Variants in RFX3 observed in about 807,000 individuals in gnomAD.
The protein encoded by RFX3 is transcription factor RFX3.
In RFX3, 14 loss-of-function variants were observed where a neutral mutation model predicts 98.6. That is an observed-to-expected ratio of 0.14 (90% CI 0.09 to 0.22). The LOEUF (loss-of-function observed/expected upper bound fraction) is 0.22. Ranked by LOEUF, RFX3 falls within the 10% of genes least tolerant of loss-of-function variation. The pLI, the probability that RFX3 is intolerant of heterozygous loss-of-function variation, is 1.00. For missense variants in RFX3, 639 were observed against 926.9 expected (o/e 0.69, Z 4.03); for synonymous variants, 383 against 328.4 (o/e 1.17, Z -1.80).
At chr9:3,381,927 TG>T (rs1839234794) in intron 2 of RFX3, among the ~76,000 whole-genome samples, 1 of 151,112 alleles carries the variant, frequency 6.6e-6, no homozygotes, top group Non-Finnish European at 1.5e-5. Flanking sequence ...CTTACTTTTT[TG>T]TTTGTTTGTT....
intron 4 of RFX3, among the ~76,000 whole-genome samples, chr9:3,328,087 TAGGAA>T (rs1832135290): frequency 6.6e-6 from 1 of 152,044 alleles, no homozygotes; most frequent in African/African-American, 2.4e-5. Context: ...AGAGGTGAGG[TAGGAA>T]AGGAATGGGG....
chr9:3,443,784 G>C (rs1030078355), intron 1 of RFX3, among the ~76,000 whole-genome samples: 8 of 152,154 alleles, frequency 5.3e-5, no homozygotes, highest in Non-Finnish European at 1.2e-4. Flanking sequence ...TTGCCACATG[G>C]TCTTCCACAA....
chr9:3,392,314 T>C (rs1481218104), intron 2 of RFX3, among the ~76,000 whole-genome samples: 4 of 150,412 alleles, frequency 2.7e-5, no homozygotes, highest in Admixed American at 2.6e-4. Context: ...ACAGACTATG[T>C]AAAGAGAAAA....
chr9:3,428,619 G>A (rs952364761), intron 1 of RFX3, among the ~76,000 whole-genome samples: 1 of 151,990 alleles, frequency 6.6e-6, no homozygotes, highest in Non-Finnish European at 1.5e-5. Context: ...AATCTCAAAT[G>A]ATCTGAATTC....
At chr9:3,479,953 C>T (rs1165373556) in intron 1 of RFX3, among the ~76,000 whole-genome samples, 1 of 152,194 alleles carries the variant, frequency 6.6e-6, no homozygotes, top group African/African-American at 2.4e-5. Context: ...TACTATTTCT[C>T]TTTTGTTAGC....
intron 3 of RFX3, among the ~76,000 whole-genome samples, chr9:3,332,332 T>C (rs1044116164): frequency 2.0e-5 from 3 of 152,188 alleles, no homozygotes; most frequent in South Asian, 2.1e-4. Flanking sequence ...CTTATACACA[T>C]AGCGTGAAGG....
chr9:3,402,435 A>G (rs916630331), intron 1 of RFX3, among the ~76,000 whole-genome samples: 1 of 152,138 alleles, frequency 6.6e-6, no homozygotes, highest in African/African-American at 2.4e-5. Flanking sequence ...GAATTAACCA[A>G]AATTATTATG....
At position 3,224,914 on chromosome 9, in the gene RFX3, C is replaced by A. The variant is rs1817597872; in HGVS notation, c.*128G>T. ...TACATACACCCATTCCATTTCACAA[C>A]TCCAAAAAGTTAATGTTCAGCACAG... On this transcript the variant is annotated 3_prime_UTR_variant, in exon 17 of 17. Transcript: ENST00000617270. The A allele has an allele frequency of 3.3e-6, 3 of 918,698 alleles. No individual in the cohort carries two copies. The highest frequency in any genetic ancestry group is 3.5e-4 in the Middle Eastern group (1 of 2,860). The allele number at this position is 918,698 out of a possible 1,614,324, so 56.9% of individuals were successfully genotyped here.
chr9:3,264,541 G>A (rs1017062681), intron 12 of RFX3, among the ~76,000 whole-genome samples: 2 of 152,134 alleles, frequency 1.3e-5, no homozygotes, highest in Non-Finnish European at 2.9e-5. Flanking sequence ...TATATACTAT[G>A]TGCCAGGCTC....
chr9:3,471,751 T>G (rs1456988382), intron 1 of RFX3, among the ~76,000 whole-genome samples: 2 of 152,340 alleles, frequency 1.3e-5, no homozygotes, highest in East Asian at 3.9e-4. Flanking sequence ...GATGCCTAAT[T>G]TGGGAGTTTG....
chr9:3,245,831 G>A (rs1820586239), intron 15 of RFX3, among the ~76,000 whole-genome samples: 1 of 152,010 alleles, frequency 6.6e-6, no homozygotes, highest in Non-Finnish European at 1.5e-5. Context: ...ATGGATTTTG[G>A]CCTGATGTGT....
chr9:3,429,060 T>A (rs1265340397), intron 1 of RFX3, among the ~76,000 whole-genome samples: 2 of 150,254 alleles, frequency 1.3e-5, no homozygotes, highest in Non-Finnish European at 3.0e-5. Context: ...TCTCGCTGTG[T>A]CTCCCAGGCT....
chr9:3,277,790 A>T (rs906742180), intron 7 of RFX3, among the ~76,000 whole-genome samples: 2 of 152,008 alleles, frequency 1.3e-5, no homozygotes, highest in African/African-American at 4.8e-5. Context: ...CTTGAAAGTA[A>T]CTTTTAATGG....
intron 1 of RFX3, among the ~76,000 whole-genome samples, chr9:3,483,114 A>G (rs1849936687): frequency 6.6e-6 from 1 of 152,182 alleles, no homozygotes; most frequent in Non-Finnish European, 1.5e-5. Context: ...TTCCACTTGG[A>G]TAGTGGATGG....
At chr9:3,411,673 T>C (rs1236176183) in intron 1 of RFX3, among the ~76,000 whole-genome samples, 1 of 151,180 alleles carries the variant, frequency 6.6e-6, no homozygotes, top group Non-Finnish European at 1.5e-5. Flanking sequence ...TTTTTTTTAG[T>C]AGAGAGGGGA....
chr9:3,397,748 C>A (rs1841046102), intron 1 of RFX3, among the ~76,000 whole-genome samples: 1 of 152,150 alleles, frequency 6.6e-6, no homozygotes, highest in Non-Finnish European at 1.5e-5. Flanking sequence ...GCACAATAAA[C>A]CTTGTACATG....
chr9:3,480,335 T>A (rs1289727417), intron 1 of RFX3, among the ~76,000 whole-genome samples: 2 of 152,340 alleles, frequency 1.3e-5, no homozygotes, highest in Middle Eastern at 6.8e-3. Context: ...TGGGTCTCTC[T>A]AGGAGAACGG....
chr9:3,232,233 GC>G (rs1423004231), intron 15 of RFX3, among the ~76,000 whole-genome samples: 1 of 152,196 alleles, frequency 6.6e-6, no homozygotes, highest in Non-Finnish European at 1.5e-5. Context: ...ATTAGAGGGG[GC>G]TACTCTTCAC....
intron 15 of RFX3, among the ~76,000 whole-genome samples, chr9:3,231,640 T>G (rs1282978031): frequency 6.6e-6 from 1 of 151,978 alleles, no homozygotes; most frequent in Non-Finnish European, 1.5e-5. Flanking sequence ...TGCATGGGTT[T>G]ATGGCATGCA....
Sources: gnomAD v4.1 joint callset for allele counts (sites outside exome capture counted in the v4.1 genomes callset) on GRCh38, gnomAD v4.1.1 for gene constraint, MANE v1.5 for transcripts, NCBI Gene and HGNC (gene_info 2026-07-23, HGNC 2026-07-21) for gene names.